Variants in MAPK10 observed in about 807,000 individuals in gnomAD.
MAPK10 encodes JNK3 alpha protein kinase.
Under a neutral mutation model 59.3 loss-of-function variants are expected in MAPK10, and 25 were observed. The observed-to-expected ratio is 0.42, with a 90% CI of 0.31 to 0.59. The LOEUF is 0.59. MAPK10 is among the 20% of genes least tolerant of loss of function. The pLI is 0.15. For missense variants in MAPK10, 351 were observed against 568.9 expected (o/e 0.62, Z 3.90); for synonymous variants, 190 against 200.5 (o/e 0.95, Z 0.44).
intron 1 of MAPK10, among the ~76,000 whole-genome samples, chr4:86,449,140 T>G (rs997700914): frequency 6.6e-6 from 1 of 151,862 alleles, no homozygotes; most frequent in African/African-American, 2.4e-5. Flanking sequence ...GCCTAGTTCC[T>G]GTACCAGTCT....
intron 1 of MAPK10, among the ~76,000 whole-genome samples, chr4:86,430,596 A>C (rs1222203720): frequency 1.3e-5 from 2 of 152,218 alleles, no homozygotes; most frequent in Non-Finnish European, 2.9e-5. Flanking sequence ...ATAGGATTGC[A>C]AGAAAGGCAT....
Position 86,067,910 on chromosome 4 carries a change from C to T in MAPK10, c.848G>A (p.Cys283Tyr). Residue 283 changes from cysteine to tyrosine, a missense_variant, in exon 10 of 14, where the codon TGT becomes TAT. By Grantham distance (194) the Cys-to-Tyr change is radical (BLOSUM62 -2). Transcript: ENST00000641462. ...TTGCAATTTCTTCATGAATTCTGGA[C>T]ATGGTGTTCCTAGTTGTTCAATTAC... ...NKVIEQLGTP[C>Y]PEFMKKLQPT... is the part of the protein sequence containing the mutation. The T allele has an allele frequency of 5.0e-6, 8 of 1,613,586 alleles. 1 individual carries two copies. The highest frequency in any genetic ancestry group is 6.8e-6 in the Non-Finnish European group (8 of 1,179,688).
At chr4:86,091,725 T>G (rs571227516) in intron 9 of MAPK10, among the ~76,000 whole-genome samples, 23 of 151,748 alleles carry the variant, frequency 1.5e-4, no homozygotes, top group Non-Finnish European at 2.9e-4. Flanking sequence ...CTAGACTGGA[T>G]TGCAGTGGCA....
intron 2 of MAPK10, among the ~76,000 whole-genome samples, chr4:86,262,276 C>T (rs187713422): frequency 6.6e-6 from 1 of 152,132 alleles, no homozygotes; most frequent in Non-Finnish European, 1.5e-5. Context: ...TGCCTTCAGC[C>T]ACAGGATGAC....
At position 86,197,685 on chromosome 4, in the gene MAPK10, G is replaced by C. The variant is rs144172414; in HGVS notation, c.-6-3278C>G. On this transcript the variant is annotated intron_variant, in intron 2 of 13. Transcript: ENST00000641462. Reference sequence around the variant, plus strand: ...ACTGTAGGAGGAAGCAAAATAATCTGAGAGGGAAGGTCTGAATTGCAAGGA... The same window carrying C: ...ACTGTAGGAGGAAGCAAAATAATCTCAGAGGGAAGGTCTGAATTGCAAGGA... Among the ~76,000 whole-genome samples, 261 of 152,222 alleles carry C rather than the reference G, an allele frequency of 1.7e-3. 1 individual carries two copies. The highest frequency in any genetic ancestry group is 2.8e-3 in the Non-Finnish European group (190 of 68,010).
In MAPK10 at chr4:86,458,991, G is replaced by GA. The variant is rs572172074; in HGVS notation, c.-262-104348dup. On this transcript the variant is annotated intron_variant, in intron 1 of 4. Coordinates refer to the MAPK10 transcript ENST00000502302. ...TGAATAGACAACCCACAGAATGGGA[G>GA]AAAAATCACAATCTATACATCTGAC... Among the ~76,000 whole-genome samples, 45 of 152,154 alleles carry GA rather than the reference G, an allele frequency of 3.0e-4. 1 individual carries two copies. The highest frequency in any genetic ancestry group is 1.1e-3 in the African/African-American group (44 of 41,510).
chr4:86,541,284 T>C (rs1758675650), intron 1 of MAPK10, among the ~76,000 whole-genome samples: 2 of 152,118 alleles, frequency 1.3e-5, no homozygotes, highest in Admixed American at 1.3e-4. Flanking sequence ...CAGGAGAAGA[T>C]AACCAAACTC....
intron 1 of MAPK10, among the ~76,000 whole-genome samples, chr4:86,518,995 G>A (rs1579460977): frequency 6.6e-6 from 1 of 151,886 alleles, no homozygotes; most frequent in Admixed American, 6.6e-5. Context: ...ATATAATTTC[G>A]ATTTTTTTAA....
intron 11 of MAPK10, among the ~76,000 whole-genome samples, chr4:86,051,538 T>C (rs2043539569): frequency 6.6e-6 from 1 of 152,214 alleles, no homozygotes; most frequent in African/African-American, 2.4e-5. Context: ...ACTTCATGTC[T>C]ATAGCTTTCA....
chr4:86,531,495 C>T (rs974385877), intron 1 of MAPK10, among the ~76,000 whole-genome samples: 14 of 152,076 alleles, frequency 9.2e-5, no homozygotes, highest in Non-Finnish European at 1.8e-4. Context: ...ATCTCTTCCT[C>T]GACCCACTGC....
At chr4:86,312,145 C>T (rs1166484236) in intron 2 of MAPK10, among the ~76,000 whole-genome samples, 1 of 152,030 alleles carries the variant, frequency 6.6e-6, no homozygotes, top group Admixed American at 6.6e-5. Flanking sequence ...ATTGAGGCAT[C>T]CTTCCTTCAT....
chr4:86,177,937 A>G (rs2076050893), intron 3 of MAPK10, among the ~76,000 whole-genome samples: 1 of 152,068 alleles, frequency 6.6e-6, no homozygotes, highest in Non-Finnish European at 1.5e-5. Context: ...AATATTTCAT[A>G]TTTATTTAAA....
At chr4:86,406,615 G>A (rs1274471837) in intron 1 of MAPK10, among the ~76,000 whole-genome samples, 3 of 152,170 alleles carry the variant, frequency 2.0e-5, no homozygotes, top group Admixed American at 1.3e-4. Flanking sequence ...GCCATAAACA[G>A]TTATAGCTAA....
intron 5 of MAPK10, 39 bp from the exon 6 acceptor site, chr4:86,103,283 G>GAAAA: frequency 1.0e-6 from 1 of 986,994 alleles, no homozygotes; most frequent in Non-Finnish European, 1.6e-6. Context: ...ACGAGAGAAA[G>GAAAA]AAAAAAGAGA....
chr4:86,050,427 A>C (rs553738443), intron 11 of MAPK10, among the ~76,000 whole-genome samples: 1 of 152,254 alleles, frequency 6.6e-6, no homozygotes, highest in Admixed American at 6.5e-5. Flanking sequence ...GTATGATGAG[A>C]CTTTGAGTCC....
chr4:86,583,994 G>T (rs1208139502), intron 1 of MAPK10, among the ~76,000 whole-genome samples: 1 of 152,102 alleles, frequency 6.6e-6, no homozygotes, highest in Non-Finnish European at 1.5e-5. Context: ...TTTACTTTTG[G>T]TTAAAAGACA....
intron 1 of MAPK10, among the ~76,000 whole-genome samples, chr4:86,587,294 C>G (rs545151744): frequency 4.6e-5 from 7 of 152,298 alleles, no homozygotes; most frequent in Non-Finnish European, 8.8e-5. Flanking sequence ...TCATTTCTGT[C>G]ATGTGACTCT....
intron 11 of MAPK10, chr4:86,032,249 A>G (rs2039214970): frequency 6.6e-6 from 1 of 152,188 alleles, no homozygotes; most frequent in South Asian, 2.1e-4. Flanking sequence ...GGAATCTCAA[A>G]TAAATTCTCT....
chr4:86,091,957 A>C (rs570406498), intron 9 of MAPK10, among the ~76,000 whole-genome samples: 23 of 152,130 alleles, frequency 1.5e-4, no homozygotes, highest in Middle Eastern at 3.4e-3. Context: ...CAGGCATGAG[A>C]CACCATGCCT....
Sources: gnomAD v4.1 joint callset for allele counts (sites outside exome capture counted in the v4.1 genomes callset) on GRCh38, gnomAD v4.1.1 for gene constraint, MANE v1.5 for transcripts, NCBI Gene and HGNC (gene_info 2026-07-23, HGNC 2026-07-21) for gene names.